MOXD1: variants seen among roughly 807,000 people sequenced by gnomAD.
The protein encoded by MOXD1 is monooxygenase DBH like 1.
MOXD1 carries 62 observed loss-of-function variants against 66.6 expected under a neutral mutation model. That is an observed-to-expected ratio of 0.93 (90% CI 0.76 to 1.15). The LOEUF (loss-of-function observed/expected upper bound fraction) is 1.15. Among genes scored for constraint, MOXD1 ranks in the 50% most tolerant of loss-of-function variants. MOXD1 has a pLI of 0.00. For missense variants in MOXD1, 847 were observed against 754.6 expected (o/e 1.12, Z -1.44); for synonymous variants, 303 against 281.9 (o/e 1.07, Z -0.75).
At chr6:132,346,703 C>A (rs1233064545) in intron 4 of MOXD1, among the ~76,000 whole-genome samples, 1 of 152,136 alleles carries the variant, frequency 6.6e-6, no homozygotes, top group Non-Finnish European at 1.5e-5. Context: ...AAGTCCAGGT[C>A]TTTAAATCAT....
chr6:132,364,926 A>C (rs904969098), intron 4 of MOXD1, among the ~76,000 whole-genome samples: 1 of 152,076 alleles, frequency 6.6e-6, no homozygotes, highest in East Asian at 1.9e-4. Flanking sequence ...AGTTGCTCTG[A>C]CCCTGTAGGC....
At chr6:132,353,503 G>T (rs1027965232) in intron 4 of MOXD1, among the ~76,000 whole-genome samples, 1 of 152,060 alleles carries the variant, frequency 6.6e-6, no homozygotes, top group Non-Finnish European at 1.5e-5. Context: ...ATTCCTTCTC[G>T]CTTGTAGGGT....
chr6:132,363,334 G>T (rs1776053074), intron 4 of MOXD1, among the ~76,000 whole-genome samples: 1 of 151,876 alleles, frequency 6.6e-6, no homozygotes, highest in African/African-American at 2.4e-5. Flanking sequence ...CTCATCAAAT[G>T]GTACACACTA....
At position 132,297,147 on chromosome 6, in the gene MOXD1, T is replaced by G; in HGVS notation, c.*6A>C. ...GAAAACATTGTCAAGTCCAACAGAATTTTGATCACAAGCTCTTGGTGCTCA... is the reference window on the plus strand; with the variant it reads ...GAAAACATTGTCAAGTCCAACAGAAGTTTGATCACAAGCTCTTGGTGCTCA... On this transcript the variant is annotated 3_prime_UTR_variant, in exon 12 of 12. Coordinates refer to ENST00000367963, the MANE Select transcript of MOXD1 (RefSeq NM_015529.4). 6.2e-7 allele frequency: 1 copy of G among 1,612,646 alleles called. No individual in the cohort carries two copies. Among genetic ancestry groups the G allele is most frequent in the Non-Finnish European group, 8.5e-7 (1 of 1,179,154 alleles).
intron 4 of MOXD1, among the ~76,000 whole-genome samples, chr6:132,359,931 G>A (rs916316939): frequency 6.6e-6 from 1 of 152,132 alleles, no homozygotes; most frequent in Non-Finnish European, 1.5e-5. Context: ...TATGGTTAAG[G>A]TATTCTCTGA....
chr6:132,305,922 A>G (rs1435629209), intron 10 of MOXD1, among the ~76,000 whole-genome samples: 1 of 152,194 alleles, frequency 6.6e-6, no homozygotes, highest in Non-Finnish European at 1.5e-5. Context: ...CAATAAAAAT[A>G]TGCTGAAAAT....
At chr6:132,350,321 C>A (rs1281917997) in intron 4 of MOXD1, among the ~76,000 whole-genome samples, 1 of 152,184 alleles carries the variant, frequency 6.6e-6, no homozygotes, top group African/African-American at 2.4e-5. Context: ...AGATGAGGAT[C>A]CAGTTTCACT....
intron 1 of MOXD1, among the ~76,000 whole-genome samples, chr6:132,382,058 G>T (rs754032143): frequency 2.0e-5 from 3 of 151,930 alleles, no homozygotes; most frequent in Non-Finnish European, 4.4e-5. Flanking sequence ...TAGAAATATT[G>T]ATCACTGTGC....
At chr6:132,319,182 G>A (rs1244868172) in intron 9 of MOXD1, among the ~76,000 whole-genome samples, 1 of 151,852 alleles carries the variant, frequency 6.6e-6, no homozygotes, top group African/African-American at 2.4e-5. Flanking sequence ...CCATGTGAAA[G>A]CTAAAACAGC....
Position 132,401,172 on chromosome 6 carries a change from G to A in MOXD1, c.255C>T (p.Pro85=), listed in dbSNP as rs1777016831. 6.6e-7 allele frequency: 1 copy of A among 1,525,338 alleles called. No individual in the cohort carries two copies. Among genetic ancestry groups the A allele is most frequent in the African/African-American group, 1.4e-5 (1 of 71,610 alleles). 94.5% of individuals were successfully genotyped at this position (1,525,338 alleles called of 1,614,324 possible). Residue 85 remains proline (P), a synonymous_variant, in exon 1 of 12, where the codon CCC becomes CCT. Transcript: ENST00000367963. ...GAGGAGACGCGCTTACCTGGAGGTA[G>A]GGCCGCCCGTGGGCCACCCCGCCCA... ...IVVGGVAHGR[P]YLQDYFTNAN... is the part of the protein sequence containing the mutation.
At chr6:132,338,760 T>G (rs1218450122) in intron 4 of MOXD1, among the ~76,000 whole-genome samples, 1 of 152,214 alleles carries the variant, frequency 6.6e-6, no homozygotes, top group Non-Finnish European at 1.5e-5. Context: ...CTATCTCTAT[T>G]TCTTTGTTTA....
chr6:132,400,358 T>A (rs1408924673), intron 1 of MOXD1, among the ~76,000 whole-genome samples: 1 of 152,088 alleles, frequency 6.6e-6, no homozygotes, highest in Non-Finnish European at 1.5e-5. Context: ...CAAGCAAGGA[T>A]GTCCAGGAAA....
intron 10 of MOXD1, among the ~76,000 whole-genome samples, chr6:132,312,917 T>G (rs760669335): frequency 4.6e-5 from 7 of 152,098 alleles, no homozygotes; most frequent in Non-Finnish European, 1.0e-4. Context: ...ATTAGAAAAT[T>G]TCCATTCAAT....
rs1413826360 is a variant in MOXD1 at position 132,376,545 on chromosome 6, G to A, written c.265-1768C>T. Among the ~76,000 whole-genome samples the A allele has an allele frequency of 4.0e-4, 19 of 47,488 alleles. 2 individuals are homozygous for A. Among genetic ancestry groups the A allele is most frequent in the Admixed American group, 3.4e-4 (1 of 2,952 alleles). 31.2% of individuals were successfully genotyped at this position (47,488 alleles called of 152,430 possible). On this transcript the variant is annotated intron_variant, in intron 1 of 11. Transcript: ENST00000367963. ...TTTTTTTTTTTTGAGACGGAGTCTC[G>A]CTCTGTCGCCCAGGCTGGAGTGCAG...
chr6:132,368,878 T>A (rs1182845359), intron 4 of MOXD1, among the ~76,000 whole-genome samples: 1 of 152,086 alleles, frequency 6.6e-6, no homozygotes, highest in Admixed American at 6.6e-5. Context: ...TTCCTATACA[T>A]GCATTAAAGC....
rs1400494535 is a variant in MOXD1 at position 132,324,003 on chromosome 6, G to A, written c.1041C>T (p.Leu347=). 5.0e-6 allele frequency: 8 copies of A among 1,614,036 alleles called. No individual in the cohort carries two copies. The highest frequency in any genetic ancestry group is 1.7e-5 in the Admixed American group (1 of 60,014). Reference sequence around the variant, plus strand: ...GCATCCCTGGAGGGATGGTATGGAAGAGGCTCACCCAGAGGCCAGCCTCAA... The same window carrying A: ...GCATCCCTGGAGGGATGGTATGGAAAAGGCTCACCCAGAGGCCAGCCTCAA... The part of the protein sequence containing the change: ...GVIEAGLWVS[L]FHTIPPGMPE... The change falls in exon 7 of 12, where the codon CTC becomes CTT. Residue 347 remains leucine (L), a synonymous_variant. Transcript: ENST00000367963.
At chr6:132,316,861 A>G (rs1001418111) in intron 9 of MOXD1, among the ~76,000 whole-genome samples, 2 of 152,108 alleles carry the variant, frequency 1.3e-5, no homozygotes, top group Non-Finnish European at 2.9e-5. Context: ...AAAAAGGTAG[A>G]AAAAATATTC....
chr6:132,383,222 T>TC (rs1414273097), intron 1 of MOXD1, among the ~76,000 whole-genome samples: 1 of 152,194 alleles, frequency 6.6e-6, no homozygotes, highest in East Asian at 1.9e-4. Context: ...TAATAATAAA[T>TC]ATTTTGTGTT....
intron 1 of MOXD1, chr6:132,392,377 T>C (rs944073533): frequency 3.3e-6 from 5 of 1,511,658 alleles, no homozygotes; most frequent in African/African-American, 1.4e-5. Flanking sequence ...GAATCAATTT[T>C]CATGCAAATT....
Sources: allele counts gnomAD v4.1 joint callset (sites outside exome capture counted in the v4.1 genomes callset), GRCh38; gene constraint gnomAD v4.1.1; transcripts MANE v1.5; gene names NCBI Gene and HGNC (gene_info 2026-07-23, HGNC 2026-07-21).